Variants in MYO5C observed in about 807,000 individuals in gnomAD.
The protein encoded by MYO5C is myosin VC.
In MYO5C, 194 loss-of-function variants were observed where a neutral mutation model predicts 235.7. The observed-to-expected ratio is 0.82, with a 90% CI of 0.73 to 0.93. The LOEUF is 0.93. Ranked by LOEUF, MYO5C falls within the 40% of genes least tolerant of loss-of-function variation. The pLI, the probability that MYO5C is intolerant of heterozygous loss-of-function variation, is 0.00. For synonymous variants in MYO5C, 707 were observed against 754.8 expected, an observed-to-expected ratio of 0.94 and a Z score of 1.04; for missense variants, 2,038 against 2,127.2, an observed-to-expected ratio of 0.96 and a Z score of 0.82.
chr15:52,241,250 C>CTT (rs71130143), intron 20 of MYO5C, among the ~76,000 whole-genome samples: 7 of 59,578 alleles, frequency 1.2e-4, no homozygotes, highest in African/African-American at 3.5e-4. Context: ...GTGGGCTAAT[C>CTT]TTTTTTTTTT....
Position 52,264,191 on chromosome 15 carries a change from CTAACTG to C in MYO5C, c.1040_1045del (p.Ser347_Ser349delinsCys). On this transcript the variant is annotated inframe_deletion and splice_region_variant, in exon 9 of 41. Transcript: ENST00000261839. ...AAGTAAAACAAATGAGCATCTCACA[CTAACTG>C]AGGACCTCTCGTTGCCCACCGCGGT... 2 of 1,607,370 alleles carry C rather than the reference CTAACTG, an allele frequency of 1.2e-6. No individual in the cohort carries two copies. Among genetic ancestry groups the C allele is most frequent in the Admixed American group, 1.7e-5 (1 of 59,878 alleles).
In MYO5C at chr15:52,246,971, G is replaced by A. The variant is rs372776812; in HGVS notation, c.1925C>T (p.Thr642Met). The A allele has an allele frequency of 2.1e-5, 34 of 1,614,058 alleles. No homozygotes were observed. The African/African-American group carries it at 2.4e-4, about 11-fold the overall frequency. The part of the protein sequence containing the change: ...LYLLMETLNA[T>M]TPHYVRCIKP... ...GATGCATCGAACGTAGTGGGGCGTC[G>A]TCGCATTGAGGGTCTCCATGAGCAA... The change falls in exon 16 of 41, where the codon ACG (threonine) becomes ATG (methionine). Residue 642 changes from threonine (T) to methionine (M), a missense_variant. By Grantham distance (81) the Thr-to-Met change is moderately conservative. Transcript: ENST00000261839.
Position 52,196,488 on chromosome 15 carries a change from A to C in MYO5C, c.4821-5T>G. ...TCTAAGTAGCTGATATTGCACCTGG[A>C]GGGAAAGGCAGAAGAACAGAGAATA... On this transcript the variant is annotated splice_region_variant and splice_polypyrimidine_tract_variant and intron_variant, in intron 38 of 40. Transcript: ENST00000261839. 1 of 1,611,014 alleles carries C rather than the reference A, an allele frequency of 6.2e-7. No homozygotes were observed. Among genetic ancestry groups the C allele is most frequent in the Non-Finnish European group, 8.5e-7 (1 of 1,178,594 alleles).
chr15:52,193,342 AG>A lies in MYO5C; in HGVS notation c.*559del, dbSNP rs1401617833. The A allele has an allele frequency of 6.6e-6, 1 of 151,270 alleles. No individual in the cohort carries two copies. The highest frequency in any genetic ancestry group is 1.5e-5 in the Non-Finnish European group (1 of 67,862). 9.4% of individuals were successfully genotyped at this position (151,270 alleles called of 1,614,324 possible). The stretch of plus-strand genomic sequence containing the variant: ...AAAAAAAAAAAAAAAAAAATTTAGA[AG>A]GGTCTAAAATAAACATTTTTAAATG... On this transcript the variant is annotated 3_prime_UTR_variant, in exon 41 of 41. Coordinates refer to ENST00000261839, the MANE Select transcript of MYO5C (RefSeq NM_018728.4).
chr15:52,271,636 G>T (rs1314334030), intron 7 of MYO5C, 127 bp downstream of exon 7: 2 of 546,396 alleles, frequency 3.7e-6, no homozygotes, highest in Admixed American at 3.8e-5. Flanking sequence ...TTCTGTCCCT[G>T]AAACCAAAGA....
intron 7 of MYO5C, among the ~76,000 whole-genome samples, chr15:52,270,753 C>A (rs2036906430): frequency 1.3e-5 from 2 of 151,704 alleles, no homozygotes; most frequent in Non-Finnish European, 2.9e-5. Context: ...TTCAGAAAGC[C>A]CTTCTGCAGG....
intron 16 of MYO5C, 125 bp from the exon 17 acceptor site, chr15:52,246,167 T>A: frequency 1.4e-6 from 1 of 698,006 alleles, no homozygotes; most frequent in South Asian, 1.7e-5. Flanking sequence ...CTTAATAAGT[T>A]TCTATTGCAT....
intron 18 of MYO5C, 99 bp downstream of exon 18, chr15:52,245,255 G>T (rs2036312221): frequency 1.2e-5 from 10 of 867,276 alleles, no homozygotes; most frequent in Non-Finnish European, 5.9e-6. Context: ...AGGTGTTCAT[G>T]ATTACAGTCC....
chr15:52,205,737 C>A (rs2035297435), intron 37 of MYO5C, 79 bp downstream of exon 37: 3 of 857,914 alleles, frequency 3.5e-6, no homozygotes, highest in East Asian at 5.1e-5. Context: ...CATAATCACA[C>A]ATTACACATA....
At chr15:52,246,485 C>A (rs958821916) in intron 16 of MYO5C, among the ~76,000 whole-genome samples, 1 of 152,216 alleles carries the variant, frequency 6.6e-6, no homozygotes, top group African/African-American at 2.4e-5. Flanking sequence ...TTAGGCACCT[C>A]TTTCAGCTCT....
rs201561497 is a variant in MYO5C at position 52,233,312 on chromosome 15, A to AT, written c.2963-628_2963-627insA. Among the ~76,000 whole-genome samples the AT allele has an allele frequency of 5.2e-4, 75 of 144,896 alleles. 17 individuals are homozygous for AT. The highest frequency in any genetic ancestry group is 2.3e-3 in the East Asian group (11 of 4,686). On this transcript the variant is annotated intron_variant, in intron 23 of 40. Transcript: ENST00000261839. ...AAAAAAAAAAATTAAAAAAAAAAAA[A>AT]AATAAATAAATAAATAGAAACCCTT...
chr15:52,213,753 C>T (rs997281498), intron 33 of MYO5C, among the ~76,000 whole-genome samples: 1 of 152,224 alleles, frequency 6.6e-6, no homozygotes, highest in Non-Finnish European at 1.5e-5. Context: ...TTTAATCATA[C>T]AGCTCTGGAG....
At chr15:52,259,551 G>T (rs1245125062) in intron 10 of MYO5C, among the ~76,000 whole-genome samples, 2 of 152,120 alleles carry the variant, frequency 1.3e-5, no homozygotes, top group African/African-American at 2.4e-5. Context: ...CCACCACAAT[G>T]AAACAGGACT....
intron 9 of MYO5C, among the ~76,000 whole-genome samples, chr15:52,262,054 G>A (rs948112641): frequency 2.6e-5 from 4 of 152,208 alleles, no homozygotes; most frequent in Admixed American, 2.0e-4. Flanking sequence ...TAAGGGAAGG[G>A]ACTGGCAGTG....
intron 39 of MYO5C, among the ~76,000 whole-genome samples, chr15:52,196,071 A>G (rs548333280): frequency 6.8e-6 from 1 of 147,284 alleles, no homozygotes; most frequent in Non-Finnish European, 1.5e-5. Flanking sequence ...TTGGCCTCTC[A>G]AAGTGCTGGA....
At position 52,193,866 on chromosome 15, in the gene MYO5C, G is replaced by T. The variant is rs1263485737; in HGVS notation, c.*36C>A. On this transcript the variant is annotated 3_prime_UTR_variant, in exon 41 of 41. Transcript: ENST00000261839. ...ATCCCTCATATTGAACCTTCACTTA[G>T]CTTTTGAAGAAAAAGTGCATTGACT... The T allele has an allele frequency of 6.3e-7, 1 of 1,588,970 alleles. No homozygotes were observed. Among genetic ancestry groups the T allele is most frequent in the Admixed American group, 1.9e-5 (1 of 53,578 alleles).
chr15:52,270,502 C>A (rs542277621), intron 7 of MYO5C, among the ~76,000 whole-genome samples: 2 of 151,774 alleles, frequency 1.3e-5, no homozygotes, highest in African/African-American at 4.8e-5. Context: ...TTAACACGTA[C>A]GATTTGATGA....
At chr15:52,246,389 C>T (rs1277070694) in intron 16 of MYO5C, among the ~76,000 whole-genome samples, 1 of 152,160 alleles carries the variant, frequency 6.6e-6, no homozygotes, top group African/African-American at 2.4e-5. Flanking sequence ...CTACAGAACA[C>T]CCAACAGGTA....
chr15:52,234,309 C>G (rs181176200), intron 23 of MYO5C, among the ~76,000 whole-genome samples: 1 of 152,126 alleles, frequency 6.6e-6, no homozygotes, highest in Non-Finnish European at 1.5e-5. Flanking sequence ...TTTGCCATGT[C>G]GGGGGAGGCG....
Sources: gnomAD v4.1 joint callset for allele counts (sites outside exome capture counted in the v4.1 genomes callset) on GRCh38, gnomAD v4.1.1 for gene constraint, MANE v1.5 for transcripts, NCBI Gene and HGNC (gene_info 2026-07-23, HGNC 2026-07-21) for gene names.